The following ZNF560 variants were observed in gnomAD, a reference collection of about 807,000 sequenced individuals.
The protein encoded by ZNF560 is zinc finger protein 560.
A neutral mutation model predicts 81.8 loss-of-function variants in ZNF560; 54 were observed. The ratio of observed to expected loss-of-function variants is 0.66; its 90% confidence interval spans 0.53 to 0.83. ZNF560 has a LOEUF of 0.83. Ranked by LOEUF, ZNF560 falls within the 40% of genes least tolerant of loss-of-function variation. The probability of loss-of-function intolerance (pLI) is 0.00; values close to 1 mark genes in which losing one functional copy is unlikely to be tolerated. For missense variants in ZNF560, 940 were observed against 932.4 expected (o/e 1.01, Z -0.11); for synonymous variants, 321 against 317.9 (o/e 1.01, Z -0.10).
At chr19:9,456,228 A>T in the ZNF560 span, among the ~76,000 whole-genome samples, 1 of 152,192 alleles carries the variant, frequency 6.6e-6, no homozygotes. Context: ...CTGGAAAGCC[A>T]CTGCAGAAGG....
At chr19:9,451,393 G>A in the ZNF560 span, among the ~76,000 whole-genome samples, 1 of 152,288 alleles carries the variant, frequency 6.6e-6, no homozygotes, top group African/African-American at 2.4e-5. Context: ...TCAATAAATG[G>A]TACTGGGAAT....
Position 9,487,145 on chromosome 19 carries a change from A to G in ZNF560, c.-57+10983T>C, listed in dbSNP as rs181879662. On this transcript the variant is annotated intron_variant, in intron 2 of 9. Coordinates refer to ENST00000301480, the MANE Select transcript of ZNF560 (RefSeq NM_152476.3). Reference sequence around the variant, plus strand: ...GGACACAGCAGCAGGGACAAGCTCCATAAGGGATAAAAATTGCTTCCCTCC... The same window carrying G: ...GGACACAGCAGCAGGGACAAGCTCCGTAAGGGATAAAAATTGCTTCCCTCC... Among the ~76,000 whole-genome samples the G allele has an allele frequency of 6.2e-3, 945 of 152,348 alleles. 31 individuals are homozygous for G. Among genetic ancestry groups the G allele is most frequent in the Admixed American group, 0.047 (718 of 15,302 alleles).
At chr19:9,495,622 A>G (rs10414028) in intron 2 of ZNF560, among the ~76,000 whole-genome samples, 22,890 of 152,134 alleles carry the variant, frequency 0.15, 2,585 homozygotes, top group African/African-American at 0.31. Context: ...CATGAGAATC[A>G]CTTGAACCCA....
At chr19:9,465,129 A>T (rs892325727), downstream of ZNF560, among the ~76,000 whole-genome samples, 5 of 129,522 alleles carry the variant, frequency 3.9e-5, no homozygotes, top group Admixed American at 2.4e-4. Flanking sequence ...AAAGCTATTG[A>T]TTTTTTTTTT....
intron 2 of ZNF560, among the ~76,000 whole-genome samples, chr19:9,487,206 C>T (rs145554852): frequency 1.1e-4 from 17 of 152,282 alleles, no homozygotes; most frequent in South Asian, 2.1e-4. Context: ...GTTCCATCTG[C>T]GAGGACCACC....
At chr19:9,484,967 A>G (rs903656031) in intron 2 of ZNF560, among the ~76,000 whole-genome samples, 1 of 152,214 alleles carries the variant, frequency 6.6e-6, no homozygotes, top group African/African-American at 2.4e-5. Flanking sequence ...GAAAAATTAC[A>G]TGCCAACAAA....
chr19:9,484,324 A>C (rs2073351388), intron 2 of ZNF560, among the ~76,000 whole-genome samples: 1 of 152,044 alleles, frequency 6.6e-6, no homozygotes, highest in South Asian at 2.1e-4. Flanking sequence ...AACTGCTGAA[A>C]GCCATTGCAC....
At chr19:9,482,029 G>A (rs2073297431) in intron 2 of ZNF560, among the ~76,000 whole-genome samples, 1 of 152,180 alleles carries the variant, frequency 6.6e-6, no homozygotes, top group African/African-American at 2.4e-5. Flanking sequence ...CAACCCAAAT[G>A]TCAATCAATG....
At chr19:9,460,494 CTAA>C in the ZNF560 span, among the ~76,000 whole-genome samples, 1 of 152,194 alleles carries the variant, frequency 6.6e-6, no homozygotes. Context: ...GAGGTATACA[CTAA>C]TAATAGCTCT....
At position 9,486,731 on chromosome 19, in the gene ZNF560, ACT is replaced by A. The variant is rs577059239; in HGVS notation, c.-56-11364_-56-11363del. ...CTCTAGCCTGGGTAACAAGAGTGAG[ACT>A]CTGTCTCAAAAAAAAAAGAAGAAAA... On this transcript the variant is annotated intron_variant, in intron 2 of 9. Coordinates refer to ENST00000301480, the MANE Select transcript of ZNF560 (RefSeq NM_152476.3). Among the ~76,000 whole-genome samples the A allele has an allele frequency of 4.0e-5, 6 of 151,164 alleles. No individual in the cohort carries two copies. In the South Asian group the frequency reaches 8.3e-4, roughly 21 times the overall value.
intron 2 of ZNF560, among the ~76,000 whole-genome samples, chr19:9,482,075 A>C (rs113956377): frequency 0.15 from 22,878 of 152,156 alleles, 2,578 homozygotes; most frequent in African/African-American, 0.31. Flanking sequence ...ACATATACAC[A>C]ATGGAATACT....
At chr19:9,475,910 A>G (rs2073194540) in intron 2 of ZNF560, among the ~76,000 whole-genome samples, 1 of 152,036 alleles carries the variant, frequency 6.6e-6, no homozygotes, top group Non-Finnish European at 1.5e-5. Context: ...CTAGCCAGGT[A>G]AAGAAACTTA....
intron 5 of ZNF560, among the ~76,000 whole-genome samples, chr19:9,472,564 G>T (rs1042646412): frequency 6.6e-6 from 1 of 152,162 alleles, no homozygotes; most frequent in African/African-American, 2.4e-5. Context: ...AGAATCTAAT[G>T]CCTGATGATC....
At chr19:9,496,472 C>G (rs924673582) in intron 2 of ZNF560, among the ~76,000 whole-genome samples, 2 of 151,280 alleles carry the variant, frequency 1.3e-5, no homozygotes, top group Admixed American at 6.6e-5. Context: ...GATCCACCTG[C>G]CTCAGCCTCC....
chr19:9,504,703 A>T, the ZNF560 span, among the ~76,000 whole-genome samples: 5 of 152,114 alleles, frequency 3.3e-5, no homozygotes, highest in South Asian at 2.1e-4. Context: ...TTCTCCCTTA[A>T]GTTTTGTCAT....
At position 9,468,354 on chromosome 19, in the gene ZNF560, C is replaced by A; in HGVS notation, c.613-20G>T. On this transcript the variant is annotated intron_variant, in intron 9 of 9. Coordinates refer to ENST00000301480, the MANE Select transcript of ZNF560 (RefSeq NM_152476.3). ...TCTTGCCTGTTAACACAGGAATGAACAATAAAGGAAGCATTTTAGCAGACT... is the reference window on the plus strand; with the variant it reads ...TCTTGCCTGTTAACACAGGAATGAAAAATAAAGGAAGCATTTTAGCAGACT... 6.5e-7 allele frequency: 1 copy of A among 1,542,684 alleles called. No homozygotes were observed. The highest frequency in any genetic ancestry group is 1.4e-5 in the African/African-American group (1 of 72,164).
rs781051876 is a variant in ZNF560 at position 9,467,416 on chromosome 19, T to C, written c.1531A>G (p.Thr511Ala). The C allele has an allele frequency of 5.0e-6, 8 of 1,614,130 alleles. No individual in the cohort carries two copies. The highest frequency in any genetic ancestry group is 1.1e-5 in the South Asian group (1 of 91,076). ...SSLFAHLRTH[T>A]GEKPFKCYKC... ...TAACACTTAAAGGGCTTCTCACCAG[T>C]GTGAGTTCTCAAATGAGCAAAAAGA... The change falls in exon 10 of 10, where the codon ACT (threonine) becomes GCT (alanine). Residue 511 changes from threonine (T) to alanine (A), a missense_variant. Coordinates refer to ENST00000301480, the MANE Select transcript of ZNF560 (RefSeq NM_152476.3).
chr19:9,447,507 AAT>A, the ZNF560 span, among the ~76,000 whole-genome samples: 5,734 of 152,196 alleles, frequency 0.038, 157 homozygotes, highest in South Asian at 0.11. Flanking sequence ...CAAAATAAGA[AAT>A]AAACATCTTA....
At position 9,468,105 on chromosome 19, in the gene ZNF560, T is replaced by G. The variant is rs995565518; in HGVS notation, c.842A>C (p.Gln281Pro). 1 of 1,614,090 alleles carries G rather than the reference T, an allele frequency of 6.2e-7. No individual in the cohort carries two copies. The highest frequency in any genetic ancestry group is 1.1e-5 in the South Asian group (1 of 91,048). The change falls in exon 10 of 10, where the codon CAG becomes CCG. Residue 281 changes from glutamine to proline, a missense_variant. Physicochemically the swap from Gln to Pro is moderately conservative, Grantham distance 76 (BLOSUM62 -1). Coordinates refer to ENST00000301480, the MANE Select transcript of ZNF560 (RefSeq NM_152476.3). ...ATCTTGTGTACACTTTCTCTGGACC[T>G]GAACATTTAAAATCAGGCGGAAAGA... ...GKSFRLILNV[Q>P]VQRKCTQDKS...
Sources: gnomAD v4.1 joint callset for allele counts (sites outside exome capture counted in the v4.1 genomes callset) on GRCh38, gnomAD v4.1.1 for gene constraint, MANE v1.5 for transcripts, NCBI Gene and HGNC (gene_info 2026-07-23, HGNC 2026-07-21) for gene names.